MAP3K3: variants seen among roughly 807,000 people sequenced by gnomAD.
MAP3K3 encodes mitogen-activated protein kinase kinase kinase 3.
A neutral mutation model predicts 80.9 loss-of-function variants in MAP3K3; 12 were observed. The ratio of observed to expected loss-of-function variants is 0.15; its 90% CI spans 0.10 to 0.24. MAP3K3 has a LOEUF of 0.24. MAP3K3 is among the 10% of genes least tolerant of loss of function. MAP3K3 has a pLI of 1.00. For missense variants in MAP3K3, 596 were observed against 834.7 expected (o/e 0.71, Z 3.52); for synonymous variants, 272 against 307.1 (o/e 0.89, Z 1.19).
Position 63,689,681 on chromosome 17 carries a change from A to T in MAP3K3, c.1009A>T (p.Ser337Cys). The change falls in exon 11 of 16, where the codon AGT becomes TGT. Residue 337 changes from serine to cysteine, a missense_variant. Coordinates refer to ENST00000361733, the MANE Select transcript of MAP3K3 (RefSeq NM_002401.5). This position sits in a 1 kb window ranked among gnomAD's most constrained non-coding sequence, Gnocchi z 4.3. ...QYLDPRGRLR[S>C]ADSENALSVQ... is the part of the protein sequence containing the mutation. ...CCTGGACCCCCGTGGGCGCCTGCGG[A>T]GTGCGGACAGCGAGAATGCCCTCTC... The T allele has an allele frequency of 6.2e-7, 1 of 1,614,004 alleles. No homozygotes were observed. Among genetic ancestry groups the T allele is most frequent in the Non-Finnish European group, 8.5e-7 (1 of 1,179,924 alleles).
At chr17:63,669,508 A>G (rs1171108960) in intron 6 of MAP3K3, among the ~76,000 whole-genome samples, 1 of 151,212 alleles carries the variant, frequency 6.6e-6, no homozygotes, top group Non-Finnish European at 1.5e-5. Context: ...TCTCACTGTC[A>G]CCCAGGCTGG....
At chr17:63,626,409 A>G (rs2034103302) in intron 1 of MAP3K3, among the ~76,000 whole-genome samples, 1 of 152,234 alleles carries the variant, frequency 6.6e-6, no homozygotes, top group African/African-American at 2.4e-5. Context: ...ATGTAATTCT[A>G]TAGTCTCCAG....
chr17:63,683,947 A>C (rs1173236594), intron 7 of MAP3K3, among the ~76,000 whole-genome samples: 19 of 152,034 alleles, frequency 1.2e-4, no homozygotes. Context: ...GCTTGAGGTC[A>C]GGAGTTCAAG....
Position 63,693,930 on chromosome 17 carries a change from G to A in MAP3K3, c.*153G>A. 1 of 617,252 alleles carries A rather than the reference G, an allele frequency of 1.6e-6. No homozygotes were observed. Among genetic ancestry groups the A allele is most frequent in the Non-Finnish European group, 2.7e-6 (1 of 373,520 alleles). The allele number at this position is 617,252 out of a possible 1,614,324, so 38.2% of individuals were successfully genotyped here. On this transcript the variant is annotated 3_prime_UTR_variant, in exon 16 of 16. Coordinates refer to ENST00000361733, the MANE Select transcript of MAP3K3 (RefSeq NM_002401.5). This position sits in a 1 kb window ranked among gnomAD's most constrained non-coding sequence, Gnocchi z 4.2. ...GGTCTGTGCCCCTTCCGCCACTGGGGCTCAGAGCCGGGGTGGGGTGGCTGC... is the reference window on the plus strand; with the variant it reads ...GGTCTGTGCCCCTTCCGCCACTGGGACTCAGAGCCGGGGTGGGGTGGCTGC...
At chr17:63,627,042 C>G (rs968027658) in intron 1 of MAP3K3, among the ~76,000 whole-genome samples, 5 of 152,132 alleles carry the variant, frequency 3.3e-5, no homozygotes, top group African/African-American at 1.2e-4. Context: ...TGCCTTAAGA[C>G]CCTGCTTTGA....
In MAP3K3 at chr17:63,673,804, G is replaced by A. The variant is rs1160116529; in HGVS notation, c.502+6744G>A. 2.6e-5 allele frequency among the ~76,000 whole-genome samples: 4 copies of A among 152,088 alleles called. No individual in the cohort carries two copies. In the East Asian group the frequency reaches 5.8e-4, roughly 22 times the overall value. ...CAGGTGCCTGTAATTCGAGCTACTCGGCTGCTGAGGCAGGAGAATTGCTTG... is the reference window on the plus strand; with the variant it reads ...CAGGTGCCTGTAATTCGAGCTACTCAGCTGCTGAGGCAGGAGAATTGCTTG... On this transcript the variant is annotated intron_variant, in intron 6 of 15. Coordinates refer to ENST00000361733, the MANE Select transcript of MAP3K3 (RefSeq NM_002401.5).
chr17:63,649,227 A>C (rs1029773010), intron 3 of MAP3K3, among the ~76,000 whole-genome samples: 1 of 152,054 alleles, frequency 6.6e-6, no homozygotes, highest in Non-Finnish European at 1.5e-5. Flanking sequence ...ACCTGAGGTC[A>C]GGAGTTCCAG....
chr17:63,667,180 G>T, intron 6 of MAP3K3, 120 bp downstream of exon 6: 1 of 1,148,636 alleles, frequency 8.7e-7, no homozygotes, highest in Non-Finnish European at 1.2e-6. Context: ...TCTGTGTAGA[G>T]TAATCCTTTA....
intron 3 of MAP3K3, among the ~76,000 whole-genome samples, chr17:63,651,593 A>G (rs1054109315): frequency 4.6e-5 from 7 of 152,238 alleles, no homozygotes; most frequent in South Asian, 2.1e-4. Context: ...CAACATTACT[A>G]ACATTTTCCC....
intron 3 of MAP3K3, among the ~76,000 whole-genome samples, chr17:63,652,131 C>T (rs2034668727): frequency 6.6e-6 from 1 of 152,178 alleles, no homozygotes; most frequent in Non-Finnish European, 1.5e-5. Flanking sequence ...ATTAATCCAT[C>T]ACCTATATAT....
intron 6 of MAP3K3, among the ~76,000 whole-genome samples, chr17:63,676,702 A>G (rs2035226462): frequency 6.6e-6 from 1 of 152,196 alleles, no homozygotes; most frequent in Admixed American, 6.5e-5. Context: ...CCTCTAGGTT[A>G]AGACACACCA....
At chr17:63,646,622 T>C (rs1446534977) in intron 3 of MAP3K3, among the ~76,000 whole-genome samples, 3 of 152,254 alleles carry the variant, frequency 2.0e-5, no homozygotes, top group African/African-American at 7.2e-5. Flanking sequence ...TTTCGGTCTG[T>C]GTTCTGAATC....
chr17:63,682,413 A>C (rs1034301870), intron 7 of MAP3K3: 28 of 152,262 alleles, frequency 1.8e-4, no homozygotes, highest in African/African-American at 6.8e-4. Flanking sequence ...CCACAAACCT[A>C]GAGGCTTAAA....
At chr17:63,622,814 C>G in intron 1 of MAP3K3, 51 bp downstream of exon 1, 2 of 452,052 alleles carry the variant, frequency 4.4e-6, no homozygotes, top group Non-Finnish European at 8.7e-6. Context: ...CGCGACGCCC[C>G]GCCCCAGGCT....
chr17:63,683,967 G>A lies in MAP3K3; in HGVS notation c.637-1550G>A, dbSNP rs186196277. On this transcript the variant is annotated intron_variant, in intron 7 of 15. Transcript: ENST00000361733. ...AGGTCAGGAGTTCAAGACCAGCCTG[G>A]GCAACATAGCAAAACCCTGTCTCTA... 3.0e-4 allele frequency among the ~76,000 whole-genome samples: 45 copies of A among 152,008 alleles called. No individual in the cohort carries two copies. In the East Asian group the frequency reaches 8.1e-3, roughly 27 times the overall value.
intron 1 of MAP3K3, among the ~76,000 whole-genome samples, chr17:63,631,690 C>G (rs946674470): frequency 6.6e-6 from 1 of 152,116 alleles, no homozygotes; most frequent in Admixed American, 6.5e-5. Flanking sequence ...TATGAGAACT[C>G]TAGTACTCCA....
chr17:63,632,760 T>C lies in MAP3K3; in HGVS notation c.84T>C (p.Tyr28=), dbSNP rs2034243576. 6.2e-7 allele frequency: 1 copy of C among 1,613,982 alleles called. No individual in the cohort carries two copies. The highest frequency in any genetic ancestry group is 8.5e-7 in the Non-Finnish European group (1 of 1,180,016). ...QMNRRHRMPG[Y]ETMKNKDTGH... ...ACCGACGTCACCGGATGCCTGGATA[T>C]GAGACCATGAAGAACAAAGACACAG... is the stretch of plus-strand genomic sequence containing the variant. The change falls in exon 2 of 16, where the codon TAT becomes TAC. Residue 28 remains tyrosine (Y), a synonymous_variant. Transcript: ENST00000361733.
At chr17:63,661,789 G>A (rs1174472809) in intron 5 of MAP3K3, among the ~76,000 whole-genome samples, 1 of 152,174 alleles carries the variant, frequency 6.6e-6, no homozygotes, top group Non-Finnish European at 1.5e-5. Context: ...GGGCAGAATA[G>A]CTTCTTCTGG....
At chr17:63,665,081 T>C (rs987670283) in intron 5 of MAP3K3, among the ~76,000 whole-genome samples, 3 of 151,998 alleles carry the variant, frequency 2.0e-5, no homozygotes, top group Non-Finnish European at 4.4e-5. Context: ...GGCAGGCAGA[T>C]CACCTGAGGT....
Sources: allele counts gnomAD v4.1 joint callset (sites outside exome capture counted in the v4.1 genomes callset), GRCh38; gene constraint gnomAD v4.1.1; non-coding constraint Gnocchi (gnomAD v3.1); transcripts MANE v1.5; gene names NCBI Gene and HGNC (gene_info 2026-07-23, HGNC 2026-07-21).